The following GFI1B variants were observed in gnomAD, a reference collection of about 807,000 sequenced individuals.
GFI1B encodes the protein zinc finger protein Gfi-1b.
Under a neutral mutation model 35.3 loss-of-function variants are expected in GFI1B, and 20 were observed. The ratio of observed to expected loss-of-function variants is 0.57; its 90% CI spans 0.40 to 0.82. GFI1B has a LOEUF of 0.82. GFI1B is among the 40% of genes least tolerant of loss of function. The pLI is 0.00. For missense variants in GFI1B, 430 were observed against 446.3 expected (o/e 0.96, Z 0.33); for synonymous variants, 178 against 177.6 (o/e 1.00, Z -0.02).
intron 1 of GFI1B, among the ~76,000 whole-genome samples, chr9:132,961,017 G>A (rs138243581): frequency 1.3e-5 from 2 of 152,112 alleles, no homozygotes; most frequent in Non-Finnish European, 2.9e-5. Context: ...TTTTAGCTGC[G>A]CCTCCCCTGA....
chr9:132,968,933 C>G (rs897039616), intron 1 of GFI1B, among the ~76,000 whole-genome samples: 2 of 152,190 alleles, frequency 1.3e-5, no homozygotes, highest in African/African-American at 2.4e-5. Flanking sequence ...TTTTTCATCT[C>G]GCAAAACCAA....
chr9:132,992,634 G>A (rs975638580), downstream of GFI1B, among the ~76,000 whole-genome samples: 5 of 152,116 alleles, frequency 3.3e-5, no homozygotes, highest in Admixed American at 2.6e-4. Flanking sequence ...ATCCTACAAG[G>A]CCCACTTAGC....
chr9:132,962,127 T>G lies in GFI1B; in HGVS notation c.-700-10598T>G, dbSNP rs71503166. Reference sequence around the variant, plus strand: ...TCACACATGTGTGCATACAGAATTGTTTTTTTTTTCTTTTTTTTTTTTTCT... The same window carrying G: ...TCACACATGTGTGCATACAGAATTGGTTTTTTTTTCTTTTTTTTTTTTTCT... On this transcript the variant is annotated intron_variant, in intron 1 of 10. Coordinates refer to the GFI1B transcript ENST00000339463. Among the ~76,000 whole-genome samples the G allele has an allele frequency of 2.6e-4, 33 of 126,570 alleles. 1 individual carries two copies. The highest frequency in any genetic ancestry group is 9.6e-4 in the African/African-American group (29 of 30,112). 83.0% of individuals were successfully genotyped at this position (126,570 alleles called of 152,430 possible). A position where few individuals can be genotyped will look rare whatever the true frequency, so the allele number is the denominator to read the frequency against.
chr9:132,954,264 T>C (rs1043635268), intron 1 of GFI1B, among the ~76,000 whole-genome samples: 1 of 152,032 alleles, frequency 6.6e-6, no homozygotes, highest in Non-Finnish European at 1.5e-5. Flanking sequence ...AGATAATATT[T>C]GCATTTTTTG....
At chr9:132,958,963 A>T (rs1848324595) in intron 1 of GFI1B, among the ~76,000 whole-genome samples, 1 of 152,168 alleles carries the variant, frequency 6.6e-6, no homozygotes, top group Non-Finnish European at 1.5e-5. Context: ...TCTGGTGAGG[A>T]CAGAGAGGGC....
At chr9:132,974,476 C>T (rs1285695393), upstream of GFI1B, among the ~76,000 whole-genome samples, 1 of 151,816 alleles carries the variant, frequency 6.6e-6, no homozygotes, top group African/African-American at 2.4e-5. Flanking sequence ...GTGGCGGGCA[C>T]CTGTAATCCC....
At chr9:132,946,007 G>C (rs1209855255) in intron 1 of GFI1B, among the ~76,000 whole-genome samples, 1 of 152,210 alleles carries the variant, frequency 6.6e-6, no homozygotes, top group Non-Finnish European at 1.5e-5. Flanking sequence ...GTATCGGGTA[G>C]AGCCGCTGCT....
chr9:132,986,525 T>C (rs1221259194), intron 1 of GFI1B, 134 bp from the exon 2 acceptor site: 9 of 687,752 alleles, frequency 1.3e-5, no homozygotes, highest in Non-Finnish European at 2.4e-5. Flanking sequence ...TCACAGGTTC[T>C]GGGTGGACAT....
intron 1 of GFI1B, chr9:132,949,876 G>A (rs1848174285): frequency 6.5e-6 from 1 of 152,692 alleles, no homozygotes; most frequent in Non-Finnish European, 1.5e-5. Flanking sequence ...CACTTTGGGA[G>A]GCTGAGGCAG....
upstream of GFI1B, chr9:132,978,533 G>A (rs1848700768): frequency 6.6e-6 from 1 of 152,182 alleles, no homozygotes; most frequent in African/African-American, 2.4e-5. Flanking sequence ...TCCAAGTGTC[G>A]AGGGTTAGAA....
In GFI1B at chr9:132,991,296, G is replaced by C. The variant is rs528410386; in HGVS notation, c.*246G>C. ...TCTTTCTCAGCAGAAGTTGTTTCCAGGTGTGCTCAAGTGCCTTCCTCTAGC... is the reference window on the plus strand; with the variant it reads ...TCTTTCTCAGCAGAAGTTGTTTCCACGTGTGCTCAAGTGCCTTCCTCTAGC... On this transcript the variant is annotated 3_prime_UTR_variant, in exon 7 of 7. Transcript: ENST00000372122. 1.6e-5 allele frequency: 9 copies of C among 564,066 alleles called. No individual in the cohort carries two copies. The Admixed American group carries it at 2.7e-4, about 17-fold the overall frequency. The allele number at this position is 564,066 out of a possible 1,614,324, so 34.9% of individuals were successfully genotyped here. A position where few individuals can be genotyped will look rare whatever the true frequency, so the allele number is the denominator to read the frequency against.
intron 1 of GFI1B, among the ~76,000 whole-genome samples, chr9:132,982,856 G>A (rs752498374): frequency 1.2e-4 from 18 of 152,112 alleles, no homozygotes; most frequent in Non-Finnish European, 1.9e-4. Context: ...GCAAGAAAGC[G>A]GGTGTGGGGC....
chr9:132,989,624 T>C lies in GFI1B; in HGVS notation c.649-118T>C. On this transcript the variant is annotated intron_variant, in intron 5 of 6. Coordinates refer to ENST00000372122, the MANE Select transcript of GFI1B (RefSeq NM_001377304.1). The surrounding 1 kb of genome is among the most constrained non-coding windows in gnomAD (Gnocchi z 6.2). ...TCACCTCAGAGGCAGAGATGAGGGG[T>C]CCCCCGGTCCTGCTCCTCCAGGCCG... 1 of 724,502 alleles carries C rather than the reference T, an allele frequency of 1.4e-6. No individual in the cohort carries two copies. The allele number at this position is 724,502 out of a possible 1,614,324, so 44.9% of individuals were successfully genotyped here.
chr9:132,952,027 C>T (rs1339224522), intron 1 of GFI1B: 1 of 152,130 alleles, frequency 6.6e-6, no homozygotes. Flanking sequence ...CCTCCGCCTC[C>T]CAAAGGGCTG....
At chr9:132,969,990 G>T (rs925701895) in intron 1 of GFI1B, among the ~76,000 whole-genome samples, 1 of 152,146 alleles carries the variant, frequency 6.6e-6, no homozygotes, top group African/African-American at 2.4e-5. Flanking sequence ...GGCTGCTGGA[G>T]GGCTCCCTGG....
At chr9:132,987,206 G>A (rs1849100944) in intron 2 of GFI1B, 76 bp from the exon 3 acceptor site, 25 of 1,481,264 alleles carry the variant, frequency 1.7e-5, no homozygotes, top group Non-Finnish European at 2.0e-5. Context: ...CTCCTAGGAA[G>A]GGCGTGCCCT....
intron 1 of GFI1B, chr9:132,953,722 C>G (rs1217683580): frequency 6.6e-6 from 1 of 151,928 alleles, no homozygotes; most frequent in Admixed American, 6.6e-5. Context: ...CTGAGGCGGG[C>G]AGATCACGAG....
intron 1 of GFI1B, among the ~76,000 whole-genome samples, chr9:132,980,582 C>T (rs1194903423): frequency 6.6e-6 from 1 of 152,204 alleles, no homozygotes; most frequent in Non-Finnish European, 1.5e-5. Context: ...GTATTAAGTA[C>T]ACCCACATGG....
intron 1 of GFI1B, among the ~76,000 whole-genome samples, chr9:132,963,352 C>A (rs1475910271): frequency 1.3e-5 from 2 of 152,040 alleles, no homozygotes; most frequent in Admixed American, 6.5e-5. Flanking sequence ...TTGTGGCACG[C>A]ACTTGTAGTC....
Sources: gnomAD v4.1 joint callset for allele counts (sites outside exome capture counted in the v4.1 genomes callset) on GRCh38, gnomAD v4.1.1 for gene constraint, Gnocchi (gnomAD v3.1) non-coding constraint, MANE v1.5 for transcripts, NCBI Gene and HGNC (gene_info 2026-07-23, HGNC 2026-07-21) for gene names.